Variants in CCSER1 observed in about 807,000 individuals in gnomAD.
CCSER1 encodes serine-rich coiled-coil domain-containing protein 1.
In CCSER1, 41 loss-of-function variants were observed where a neutral mutation model predicts 82.0. That is an observed-to-expected ratio of 0.50 (90% CI 0.39 to 0.65). The LOEUF is 0.65. Among genes scored for constraint, CCSER1 ranks in the 30% least tolerant of loss-of-function variants. CCSER1 has a pLI of 0.00. For synonymous variants in CCSER1, 414 were observed against 383.9 expected (o/e 1.08, Z -0.92); for missense variants, 1,119 against 1,064.2 (o/e 1.05, Z -0.72).
At chr4:90,583,039 G>A (rs1781581272) in intron 5 of CCSER1, among the ~76,000 whole-genome samples, 1 of 151,904 alleles carries the variant, frequency 6.6e-6, no homozygotes, top group South Asian at 2.1e-4. Flanking sequence ...ATTTTTCACT[G>A]GGGTTAATAT....
rs1430330912 is a variant in CCSER1 at position 91,219,462 on chromosome 4, G to A, written c.2217+133468G>A. On this transcript the variant is annotated intron_variant, in intron 10 of 10. Transcript: ENST00000509176. ...CAAATAGCTGGGTCTGCAGTCGCCT[G>A]CCACCACACCTGGCTATTTTTGTAG... Among the ~76,000 whole-genome samples the A allele has an allele frequency of 3.9e-5, 6 of 152,060 alleles. No individual in the cohort carries two copies. In the East Asian group the frequency reaches 1.2e-3, roughly 30 times the overall value.
chr4:91,111,850 GAA>G (rs201011412), intron 10 of CCSER1, among the ~76,000 whole-genome samples: 87 of 79,094 alleles, frequency 1.1e-3, no homozygotes, highest in Admixed American at 3.4e-3. Flanking sequence ...CAATAAAACA[GAA>G]AAAAAAAAAA....
chr4:90,236,574 G>C (rs1745843054), intron 1 of CCSER1, among the ~76,000 whole-genome samples: 1 of 152,146 alleles, frequency 6.6e-6, no homozygotes, highest in African/African-American at 2.4e-5. Context: ...ACAATTGAGA[G>C]TTTTGTGTTT....
chr4:90,289,352 A>G (rs1230864354), intron 1 of CCSER1, among the ~76,000 whole-genome samples: 1 of 151,944 alleles, frequency 6.6e-6, no homozygotes. Flanking sequence ...TCTAGAGATT[A>G]TGTAGATTTT....
chr4:91,019,877 TC>T (rs988172475), intron 9 of CCSER1, among the ~76,000 whole-genome samples: 8 of 152,120 alleles, frequency 5.3e-5, no homozygotes, highest in African/African-American at 1.4e-4. Flanking sequence ...CATTGCTATT[TC>T]TTTTTAGACT....
intron 10 of CCSER1, among the ~76,000 whole-genome samples, chr4:91,467,538 A>C (rs1381101006): frequency 6.6e-6 from 1 of 152,222 alleles, no homozygotes; most frequent in African/African-American, 2.4e-5. Context: ...GCACAGCAAA[A>C]GAAACTACCA....
At chr4:90,816,834 G>A (rs989906735) in intron 8 of CCSER1, among the ~76,000 whole-genome samples, 1 of 152,092 alleles carries the variant, frequency 6.6e-6, no homozygotes, top group African/African-American at 2.4e-5. Flanking sequence ...ATATTAGTGA[G>A]ATATTGGAGA....
At position 90,723,984 on chromosome 4, in the gene CCSER1, C is replaced by A. The variant is rs763527271; in HGVS notation, c.2003C>A (p.Pro668His). 6 of 1,559,606 alleles carry A rather than the reference C, an allele frequency of 3.8e-6. No homozygotes were observed. The South Asian group carries it at 7.2e-5, about 19-fold the overall frequency. Residue 668 changes from proline (P) to histidine (H), a missense_variant, in exon 7 of 11, where the codon CCT (proline) becomes CAT (histidine). Coordinates refer to ENST00000509176, the MANE Select transcript of CCSER1 (RefSeq NM_001145065.2). ...AGTCCTCTTACTGAAGAGCCAGTGC[C>A]TTTCAAGGTAAAAAACAAACAAGAA... Reference protein sequence around the residue: ...PVSPLTEEPVPFKDIMKDECS... With the variant: ...PVSPLTEEPVHFKDIMKDECS...
chr4:91,460,503 G>A (rs1560688924), intron 10 of CCSER1, among the ~76,000 whole-genome samples: 2 of 152,122 alleles, frequency 1.3e-5, no homozygotes, highest in East Asian at 3.9e-4. Flanking sequence ...CCAGGAAGAA[G>A]AGAAACAATT....
intron 7 of CCSER1, among the ~76,000 whole-genome samples, chr4:90,750,481 C>T (rs1377832876): frequency 1.3e-5 from 2 of 152,066 alleles, no homozygotes; most frequent in Admixed American, 6.6e-5. Flanking sequence ...TGTTTGAGGG[C>T]AAGGAGGTAC....
intron 10 of CCSER1, among the ~76,000 whole-genome samples, chr4:91,393,787 T>C (rs928924728): frequency 6.6e-6 from 1 of 152,108 alleles, no homozygotes; most frequent in Admixed American, 6.6e-5. Flanking sequence ...TTAAGAGCCC[T>C]AAAGGGAAGT....
At chr4:91,179,281 T>TG (rs1255780527) in intron 10 of CCSER1, among the ~76,000 whole-genome samples, 2 of 152,208 alleles carry the variant, frequency 1.3e-5, no homozygotes, top group Non-Finnish European at 2.9e-5. Flanking sequence ...TTATGTGTCT[T>TG]GGGGTTACTC....
At chr4:90,241,456 C>T (rs1372869102) in intron 1 of CCSER1, among the ~76,000 whole-genome samples, 1 of 152,126 alleles carries the variant, frequency 6.6e-6, no homozygotes, top group Non-Finnish European at 1.5e-5. Flanking sequence ...GATGGTAAAT[C>T]ATTCACAATA....
intron 5 of CCSER1, among the ~76,000 whole-genome samples, chr4:90,539,027 G>T (rs1266050162): frequency 6.6e-6 from 1 of 152,072 alleles, no homozygotes; most frequent in Admixed American, 6.5e-5. Flanking sequence ...ATCCATGAAA[G>T]AACTGAAAAT....
intron 10 of CCSER1, among the ~76,000 whole-genome samples, chr4:91,449,873 T>C (rs1469838319): frequency 6.6e-6 from 1 of 152,084 alleles, no homozygotes; most frequent in African/African-American, 2.4e-5. Flanking sequence ...TATATAACTT[T>C]TTAATGTTCT....
At chr4:90,132,870 A>G (rs1723037771) in intron 1 of CCSER1, among the ~76,000 whole-genome samples, 1 of 152,228 alleles carries the variant, frequency 6.6e-6, no homozygotes, top group Non-Finnish European at 1.5e-5. Context: ...GTGCTTTGAT[A>G]CTAAATACAG....
intron 3 of CCSER1, among the ~76,000 whole-genome samples, chr4:90,333,438 A>T (rs990538577): frequency 1.1e-4 from 16 of 152,206 alleles, no homozygotes; most frequent in African/African-American, 3.9e-4. Flanking sequence ...AACGAAACAA[A>T]AAAAGAAATA....
chr4:90,871,270 G>A lies in CCSER1; in HGVS notation c.2095-52100G>A, dbSNP rs1286988309. 2.6e-5 allele frequency among the ~76,000 whole-genome samples: 4 copies of A among 151,274 alleles called. No individual in the cohort carries two copies. The East Asian group carries it at 7.8e-4, about 29-fold the overall frequency. ...TGTAGTTCTTTAAGATGTATTGTTA[G>A]CTTGTTCAAGTTTTAAAAAAAAATA... is the stretch of plus-strand genomic sequence containing the variant. On this transcript the variant is annotated intron_variant, in intron 8 of 10. Coordinates refer to ENST00000509176, the MANE Select transcript of CCSER1 (RefSeq NM_001145065.2).
chr4:91,255,492 C>G lies in CCSER1; in HGVS notation c.2217+169498C>G, dbSNP rs545544889. Among the ~76,000 whole-genome samples the G allele has an allele frequency of 4.6e-5, 7 of 152,182 alleles. No homozygotes were observed. In the South Asian group the frequency reaches 1.5e-3, roughly 32 times the overall value. ...AGCATTTTAAGAGCAAATCCATCAC[C>G]CTTGTGGGCAGACTCACAAAAACTG... On this transcript the variant is annotated intron_variant, in intron 10 of 10. Coordinates refer to ENST00000509176, the MANE Select transcript of CCSER1 (RefSeq NM_001145065.2).
Sources: gnomAD v4.1 joint callset for allele counts (sites outside exome capture counted in the v4.1 genomes callset) on GRCh38, gnomAD v4.1.1 for gene constraint, MANE v1.5 for transcripts, NCBI Gene and HGNC (gene_info 2026-07-23, HGNC 2026-07-21) for gene names.